Variants in INTS4 observed in about 807,000 individuals in gnomAD.
INTS4 encodes the protein MSTP093.
Under a neutral mutation model 119.5 loss-of-function variants are expected in INTS4, and 70 were observed. That is an observed-to-expected ratio of 0.59 (90% confidence interval 0.48 to 0.71). INTS4 has a LOEUF of 0.71. Among genes scored for constraint, INTS4 ranks in the 30% least tolerant of loss-of-function variants. INTS4 has a pLI of 0.00. For synonymous variants in INTS4, 316 were observed against 419.6 expected, an observed-to-expected ratio of 0.75 and a Z score of 3.02; for missense variants, 867 against 1,173.2, an observed-to-expected ratio of 0.74 and a Z score of 3.81.
intron 15 of INTS4, among the ~76,000 whole-genome samples, chr11:77,916,828 G>C (rs1232418397): frequency 6.6e-6 from 1 of 152,198 alleles, no homozygotes; most frequent in Non-Finnish European, 1.5e-5. Context: ...TCTCTTCACT[G>C]TATCATTTAT....
intron 21 of INTS4, among the ~76,000 whole-genome samples, chr11:77,886,042 C>A (rs915014907): frequency 5.3e-5 from 8 of 151,402 alleles, no homozygotes; most frequent in African/African-American, 1.9e-4. Context: ...AATCTCCACA[C>A]AAAAAAAATT....
chr11:77,935,903 A>AAAAAAAGAAAAGAAAGAGGG (rs71046927), intron 10 of INTS4, among the ~76,000 whole-genome samples: 1 of 86,990 alleles, frequency 1.1e-5, no homozygotes, highest in Non-Finnish European at 2.1e-5. Flanking sequence ...CTCAAAAAAA[A>AAAAAAAGAAAAGAAAGAGGG]AAAAAAGAAA....
At chr11:77,948,209 G>A (rs1422985451) in intron 8 of INTS4, among the ~76,000 whole-genome samples, 2 of 152,164 alleles carry the variant, frequency 1.3e-5, no homozygotes, top group Non-Finnish European at 2.9e-5. Context: ...AAACAAGAAA[G>A]AGAATGAAAA....
At chr11:77,920,178 C>CATAT (rs1953306996) in intron 14 of INTS4, among the ~76,000 whole-genome samples, 1 of 26,902 alleles carries the variant, frequency 3.7e-5, no homozygotes, top group African/African-American at 2.1e-4. Flanking sequence ...TATACATATA[C>CATAT]ATATACACAT....
At chr11:77,894,058 G>C (rs1952401068) in intron 19 of INTS4, among the ~76,000 whole-genome samples, 1 of 151,922 alleles carries the variant, frequency 6.6e-6, no homozygotes, top group African/African-American at 2.4e-5. Context: ...AGTGATTCCT[G>C]GTAGGTTTAG....
At chr11:77,924,400 CAA>C (rs536832147) in intron 12 of INTS4, 14 of 153,574 alleles carry the variant, frequency 9.1e-5, no homozygotes, top group South Asian at 1.8e-4. Flanking sequence ...GACTCCGTCT[CAA>C]AAAAAAAAAG....
downstream of INTS4, among the ~76,000 whole-genome samples, chr11:77,876,153 G>A (rs1289271985): frequency 6.6e-6 from 1 of 152,176 alleles, no homozygotes; most frequent in Non-Finnish European, 1.5e-5. Context: ...GGCTACTTTT[G>A]TATGAGGGAT....
chr11:77,974,208 T>C (rs1411628209), intron 4 of INTS4, among the ~76,000 whole-genome samples: 1 of 151,172 alleles, frequency 6.6e-6, no homozygotes, highest in Admixed American at 6.6e-5. Context: ...AACTAAGTTA[T>C]CTAATTTATT....
chr11:77,975,604 G>A (rs1327883692), intron 4 of INTS4, among the ~76,000 whole-genome samples: 1 of 152,016 alleles, frequency 6.6e-6, no homozygotes, highest in Non-Finnish European at 1.5e-5. Flanking sequence ...CATTACTGTA[G>A]TCTGAAAAAG....
chr11:77,943,052 C>T (rs1953965580), intron 8 of INTS4, among the ~76,000 whole-genome samples: 2 of 152,074 alleles, frequency 1.3e-5, no homozygotes, highest in Admixed American at 1.3e-4. Flanking sequence ...CGCTTAAGAC[C>T]TCCTAAATCT....
intron 4 of INTS4, among the ~76,000 whole-genome samples, chr11:77,976,983 G>C (rs1024648506): frequency 6.6e-6 from 1 of 151,982 alleles, no homozygotes; most frequent in East Asian, 1.9e-4. Flanking sequence ...GTTAAATTAC[G>C]AGTTGATGGG....
chr11:77,924,500 T>A (rs1390252809), intron 12 of INTS4: 1 of 412,748 alleles, frequency 2.4e-6, no homozygotes, highest in Non-Finnish European at 4.5e-6. Flanking sequence ...GGTTGGTGCA[T>A]AGTCAGCACA....
intron 4 of INTS4, among the ~76,000 whole-genome samples, chr11:77,970,810 T>A (rs1413930746): frequency 6.7e-6 from 1 of 148,376 alleles, no homozygotes; most frequent in Non-Finnish European, 1.5e-5. Context: ...TCATTGTGGG[T>A]TTTTTGTTTT....
intron 4 of INTS4, among the ~76,000 whole-genome samples, chr11:77,976,885 A>G (rs2136632445): frequency 6.6e-6 from 1 of 151,888 alleles, no homozygotes; most frequent in East Asian, 1.9e-4. Flanking sequence ...ATGAGAACAC[A>G]TGGACACAGG....
intron 10 of INTS4, among the ~76,000 whole-genome samples, chr11:77,931,794 C>G (rs999726514): frequency 6.6e-6 from 1 of 152,188 alleles, no homozygotes; most frequent in Admixed American, 6.5e-5. Flanking sequence ...CACACATCTA[C>G]AACCATCTGA....
rs1218420780 is a variant in INTS4, at chr11:77,909,321, A to G, written c.1923-1511T>C. 2.6e-5 allele frequency among the ~76,000 whole-genome samples: 4 copies of G among 152,358 alleles called. No individual in the cohort carries two copies. In the East Asian group the frequency reaches 7.7e-4, roughly 29 times the overall value. On this transcript the variant is annotated intron_variant, in intron 15 of 22. Transcript: ENST00000534064. ...TTAGTCATGCAACTGCTATAACAAA[A>G]TATCATAGACTGGGTGGGTTATAAA...
intron 8 of INTS4, among the ~76,000 whole-genome samples, chr11:77,944,605 G>A (rs1038914365): frequency 1.3e-5 from 2 of 152,194 alleles, no homozygotes; most frequent in Non-Finnish European, 2.9e-5. Context: ...GTTGAAGACA[G>A]AAACTGTCCT....
At chr11:77,901,585 A>T in intron 17 of INTS4, 34 bp from the exon 18 acceptor site, 1 of 1,513,680 alleles carries the variant, frequency 6.6e-7, no homozygotes, top group Non-Finnish European at 9.2e-7. Context: ...ATCAATAAAA[A>T]TATCATAGTC....
intron 4 of INTS4, among the ~76,000 whole-genome samples, chr11:77,964,443 G>A (rs566829967): frequency 1.4e-4 from 21 of 151,834 alleles, no homozygotes; most frequent in Middle Eastern, 3.4e-3. Flanking sequence ...GCATGGTCGC[G>A]GGCACCTGTA....
Sources: allele counts gnomAD v4.1 joint callset (sites outside exome capture counted in the v4.1 genomes callset), GRCh38; gene constraint gnomAD v4.1.1; transcripts MANE v1.5; gene names NCBI Gene and HGNC (gene_info 2026-07-23, HGNC 2026-07-21).